The following BMPR1A variants were observed in gnomAD, a reference collection of about 807,000 sequenced individuals.
The protein encoded by BMPR1A is bone morphogenetic protein receptor type-1A.
BMPR1A carries 7 observed loss-of-function variants against 66.0 expected under a neutral mutation model. The ratio of observed to expected loss-of-function variants is 0.11; its 90% CI spans 0.06 to 0.20. BMPR1A has a LOEUF of 0.20. Ranked by LOEUF, BMPR1A falls within the 10% of genes least tolerant of loss-of-function variation. The pLI is 1.00. For missense variants in BMPR1A, 408 were observed against 669.1 expected, an observed-to-expected ratio of 0.61 and a Z score of 4.31; for synonymous variants, 200 against 229.7, an observed-to-expected ratio of 0.87 and a Z score of 1.17.
intron 2 of BMPR1A, among the ~76,000 whole-genome samples, chr10:86,852,346 T>A (rs1031944244): frequency 2.0e-5 from 3 of 151,966 alleles, no homozygotes; most frequent in Admixed American, 1.3e-4. Context: ...AGTGAACACC[T>A]AGAACAAAAC....
rs376749882 is a variant in BMPR1A at position 86,862,929 on chromosome 10, A to C, written c.-152-12938A>C. Among the ~76,000 whole-genome samples, 7 of 151,926 alleles carry C rather than the reference A, an allele frequency of 4.6e-5. No individual in the cohort carries two copies. The East Asian group carries it at 7.7e-4, about 17-fold the overall frequency. On this transcript the variant is annotated intron_variant, in intron 2 of 12. Coordinates refer to ENST00000372037, the MANE Select transcript of BMPR1A (RefSeq NM_004329.3). ...GGAAAGATAAATAGTGACAAATTGT[A>C]TAGTTGCTGATAACATTGTTAAGTC... is the stretch of plus-strand genomic sequence containing the variant.
Position 86,904,155 on chromosome 10 carries a change from C to T in BMPR1A, c.530+4029C>T, listed in dbSNP as rs143870181. On this transcript the variant is annotated intron_variant, in intron 7 of 12. Coordinates refer to ENST00000372037, the MANE Select transcript of BMPR1A (RefSeq NM_004329.3). Reference sequence around the variant, plus strand: ...CTGGCCTCAAGTGATCCACCTGCCTCGGCTTCCCAAAGTGTTGGGACTATA... The same window carrying T: ...CTGGCCTCAAGTGATCCACCTGCCTTGGCTTCCCAAAGTGTTGGGACTATA... Among the ~76,000 whole-genome samples, 402 of 152,320 alleles carry T rather than the reference C, an allele frequency of 2.6e-3. 4 individuals carry two copies. The highest frequency in any genetic ancestry group is 9.1e-3 in the African/African-American group (380 of 41,582).
At chr10:86,850,522 C>G (rs1330440691) in intron 2 of BMPR1A, among the ~76,000 whole-genome samples, 1 of 152,164 alleles carries the variant, frequency 6.6e-6, no homozygotes, top group Non-Finnish European at 1.5e-5. Context: ...AGCTTGCAAG[C>G]TAGCCAGCTC....
chr10:86,770,911 A>G (rs536188477), intron 1 of BMPR1A, among the ~76,000 whole-genome samples: 1 of 152,176 alleles, frequency 6.6e-6, no homozygotes, highest in Non-Finnish European at 1.5e-5. Context: ...TTAAGTTCCC[A>G]TTAAGGCCTT....
chr10:86,914,429 T>G (rs956275971), intron 8 of BMPR1A, among the ~76,000 whole-genome samples: 2 of 152,234 alleles, frequency 1.3e-5, no homozygotes, highest in Non-Finnish European at 2.9e-5. Context: ...TTCTGCTATT[T>G]AGAAGACAAG....
At chr10:86,808,856 G>T (rs1170532052) in intron 1 of BMPR1A, among the ~76,000 whole-genome samples, 1 of 152,112 alleles carries the variant, frequency 6.6e-6, no homozygotes, top group Non-Finnish European at 1.5e-5. Flanking sequence ...CCCAAATCAG[G>T]ATGGCTACCA....
intron 2 of BMPR1A, among the ~76,000 whole-genome samples, chr10:86,863,596 T>A (rs1048913670): frequency 6.6e-6 from 1 of 152,202 alleles, no homozygotes; most frequent in Non-Finnish European, 1.5e-5. Flanking sequence ...GGATCTGGCT[T>A]CTTTCAGTCT....
intron 3 of BMPR1A, 198 bp from the exon 4 acceptor site, chr10:86,889,864 G>A (rs1233429603): frequency 1.3e-5 from 8 of 628,468 alleles, no homozygotes; most frequent in South Asian, 4.0e-5. Context: ...CATGTACCCC[G>A]CAATACCTGG....
Position 86,850,319 on chromosome 10 carries a change from C to CA in BMPR1A, c.-153+11353dup, listed in dbSNP as rs200883215. ...CTGGGTGACAGAGCGGACTCCATTT[C>CA]AAAAAAAAAAAAACAGTTCATTGCT... On this transcript the variant is annotated intron_variant, in intron 2 of 12. Coordinates refer to ENST00000372037, the MANE Select transcript of BMPR1A (RefSeq NM_004329.3). Among the ~76,000 whole-genome samples the CA allele has an allele frequency of 4.3e-3, 557 of 130,968 alleles. 3 individuals carry two copies. The highest frequency in any genetic ancestry group is 0.012 in the Middle Eastern group (3 of 260). The allele number at this position is 130,968 out of a possible 152,430, so 85.9% of individuals were successfully genotyped here.
chr10:86,812,470 C>CTA (rs1365509958), intron 1 of BMPR1A, among the ~76,000 whole-genome samples: 2 of 152,200 alleles, frequency 1.3e-5, no homozygotes, highest in Non-Finnish European at 2.9e-5. Flanking sequence ...TAGAGCTGCT[C>CTA]TATACATTCA....
chr10:86,856,073 A>G, intron 2 of BMPR1A: 1 of 568,150 alleles, frequency 1.8e-6, no homozygotes, highest in Non-Finnish European at 3.4e-6. Context: ...TCATAACAAA[A>G]ATTGCTGCAA....
In BMPR1A at chr10:86,916,833, A is replaced by G. The variant is rs373905833; in HGVS notation, c.676-301A>G. ...TGGCTAAACCCCATCTCTACTAAAA[A>G]TACAAAAAAATTAGCTGGGCATGGT... On this transcript the variant is annotated intron_variant, in intron 8 of 12. Transcript: ENST00000372037. Among the ~76,000 whole-genome samples, 3 of 152,132 alleles carry G rather than the reference A, an allele frequency of 2.0e-5. 1 individual carries two copies. The highest frequency in any genetic ancestry group is 7.2e-5 in the African/African-American group (3 of 41,504).
chr10:86,879,485 C>G (rs1430969947), intron 3 of BMPR1A, among the ~76,000 whole-genome samples: 1 of 152,146 alleles, frequency 6.6e-6, no homozygotes, highest in African/African-American at 2.4e-5. Context: ...GAGGGGCAGA[C>G]CCTTAATGTG....
At chr10:86,906,719 G>T (rs1843394495) in intron 7 of BMPR1A, among the ~76,000 whole-genome samples, 1 of 5,888 alleles carries the variant, frequency 1.7e-4, no homozygotes, top group Non-Finnish European at 2.1e-4. Flanking sequence ...GTGAGACTCC[G>T]TCTCAAAAAA....
At chr10:86,837,285 G>T (rs1842367748) in intron 1 of BMPR1A, among the ~76,000 whole-genome samples, 5 of 148,822 alleles carry the variant, frequency 3.4e-5, no homozygotes, top group Admixed American at 3.3e-4. Flanking sequence ...AATCAGGCTG[G>T]TCTCGAACTC....
At chr10:86,913,839 A>G (rs955192771) in intron 8 of BMPR1A, among the ~76,000 whole-genome samples, 10 of 152,142 alleles carry the variant, frequency 6.6e-5, no homozygotes, top group Non-Finnish European at 1.3e-4. Flanking sequence ...GTTTTCCTCA[A>G]ATTGGTGTGT....
At chr10:86,863,275 C>T (rs1338265275) in intron 2 of BMPR1A, among the ~76,000 whole-genome samples, 4 of 152,128 alleles carry the variant, frequency 2.6e-5, no homozygotes, top group Non-Finnish European at 5.9e-5. Context: ...ACTGTGCGGG[C>T]CTTAGCTGTC....
intron 1 of BMPR1A, among the ~76,000 whole-genome samples, chr10:86,785,910 C>T (rs1272371951): frequency 6.6e-6 from 1 of 152,216 alleles, no homozygotes; most frequent in African/African-American, 2.4e-5. Context: ...AACTGCACAG[C>T]AGTAGTTCCT....
At chr10:86,912,768 A>G (rs1343766538) in intron 8 of BMPR1A, among the ~76,000 whole-genome samples, 1 of 152,198 alleles carries the variant, frequency 6.6e-6, no homozygotes, top group East Asian at 1.9e-4. Context: ...GTTTAAACTG[A>G]TTGATTGAGG....
Sources: gnomAD v4.1 joint callset for allele counts (sites outside exome capture counted in the v4.1 genomes callset) on GRCh38, gnomAD v4.1.1 for gene constraint, MANE v1.5 for transcripts, NCBI Gene and HGNC (gene_info 2026-07-23, HGNC 2026-07-21) for gene names.